Variants in OTUD7A observed in about 807,000 individuals in gnomAD.
OTUD7A encodes the protein OTU deubiquitinase 7A.
A neutral mutation model predicts 65.7 loss-of-function variants in OTUD7A; 12 were observed. The observed-to-expected ratio is 0.18, with a 90% confidence interval of 0.12 to 0.30. The LOEUF (loss-of-function observed/expected upper bound fraction) is 0.30. OTUD7A is among the 10% of genes least tolerant of loss of function. The pLI is 1.00. For missense variants in OTUD7A, 1,148 were observed against 1,304.8 expected, an observed-to-expected ratio of 0.88 and a Z score of 1.85; for synonymous variants, 641 against 586.3, an observed-to-expected ratio of 1.09 and a Z score of -1.35.
intron 4 of OTUD7A, among the ~76,000 whole-genome samples, chr15:31,564,049 A>G (rs1888782861): frequency 6.6e-6 from 1 of 152,138 alleles, no homozygotes; most frequent in African/African-American, 2.4e-5. Flanking sequence ...AAAGAGATAA[A>G]TAGAATATCA....
At chr15:31,732,359 G>C (rs1382793036) in intron 1 of OTUD7A, among the ~76,000 whole-genome samples, 2 of 152,228 alleles carry the variant, frequency 1.3e-5, no homozygotes, top group Non-Finnish European at 2.9e-5. Context: ...AGAGATGCCT[G>C]ATCTCCCCCA....
intron 8 of OTUD7A, among the ~76,000 whole-genome samples, chr15:31,509,637 T>G (rs1034840498): frequency 6.6e-6 from 1 of 152,136 alleles, no homozygotes; most frequent in African/African-American, 2.4e-5. Context: ...AAATTCATAT[T>G]TTTATGTCTT....
chr15:31,584,744 A>C (rs542055648), intron 3 of OTUD7A, among the ~76,000 whole-genome samples: 21 of 152,340 alleles, frequency 1.4e-4, no homozygotes, highest in African/African-American at 5.1e-4. Flanking sequence ...GCTGCAGACA[A>C]GGGGTGCCCA....
At chr15:31,708,273 T>C (rs1324229343) in intron 1 of OTUD7A, among the ~76,000 whole-genome samples, 13 of 152,338 alleles carry the variant, frequency 8.5e-5, no homozygotes, top group Non-Finnish European at 1.6e-4. Flanking sequence ...CATACATTAA[T>C]GGTGAGAGCA....
intron 1 of OTUD7A, among the ~76,000 whole-genome samples, chr15:31,686,383 G>T (rs533867947): frequency 6.6e-6 from 1 of 152,236 alleles, no homozygotes; most frequent in African/African-American, 2.4e-5. Flanking sequence ...CATTCTGCAG[G>T]ATGTGCTTTG....
At chr15:31,618,218 G>T (rs1376976839) in intron 3 of OTUD7A, among the ~76,000 whole-genome samples, 1 of 152,128 alleles carries the variant, frequency 6.6e-6, no homozygotes, top group African/African-American at 2.4e-5. Flanking sequence ...TTGCTATTGT[G>T]AATAGTGCCT....
chr15:31,858,672 GGCCAGGTTCCCCGTCTT>G, intron 1 of OTUD7A, among the ~76,000 whole-genome samples: 1 of 152,284 alleles, frequency 6.6e-6, no homozygotes, highest in East Asian at 1.9e-4. Context: ...CAAGAACAAC[GGCCAGGTTCCCCGTCTT>G]GCCTCACATC....
At chr15:31,640,023 T>C (rs1326825402) in intron 3 of OTUD7A, among the ~76,000 whole-genome samples, 1 of 152,232 alleles carries the variant, frequency 6.6e-6, no homozygotes, top group Admixed American at 6.5e-5. Context: ...TGAAGTCCAA[T>C]TTATTAATTT....
At chr15:31,788,302 C>T (rs1179742266) in intron 1 of OTUD7A, among the ~76,000 whole-genome samples, 1 of 152,132 alleles carries the variant, frequency 6.6e-6, no homozygotes, top group African/African-American at 2.4e-5. Context: ...ACCACAGGAA[C>T]CCACAAGTTA....
chr15:31,867,857 A>C (rs1166487942), intron 1 of OTUD7A, among the ~76,000 whole-genome samples: 1 of 130,222 alleles, frequency 7.7e-6, no homozygotes, highest in African/African-American at 2.8e-5. Context: ...TGTGCCCCCA[A>C]CCCTTCCTTA....
chr15:31,829,713 G>A (rs1896884923), intron 1 of OTUD7A, among the ~76,000 whole-genome samples: 1 of 152,160 alleles, frequency 6.6e-6, no homozygotes, highest in Non-Finnish European at 1.5e-5. Flanking sequence ...ACAACCCAGG[G>A]AGACAGAAAA....
intron 3 of OTUD7A, among the ~76,000 whole-genome samples, chr15:31,632,310 C>A (rs1285847820): frequency 6.6e-6 from 1 of 152,232 alleles, no homozygotes; most frequent in Non-Finnish European, 1.5e-5. Flanking sequence ...TTCTAACAGA[C>A]AGGACCCTCA....
chr15:31,751,716 T>C (rs757476476), intron 1 of OTUD7A, among the ~76,000 whole-genome samples: 5 of 152,178 alleles, frequency 3.3e-5, no homozygotes, highest in African/African-American at 4.8e-5. Flanking sequence ...ATATACACCA[T>C]GGAATACTCT....
chr15:31,553,741 G>A (rs537903416), intron 5 of OTUD7A, among the ~76,000 whole-genome samples: 12 of 151,946 alleles, frequency 7.9e-5, no homozygotes, highest in South Asian at 2.1e-4. Context: ...CCCCATAGCC[G>A]TGTCTCTCTA....
In OTUD7A at chr15:31,483,993, C is replaced by T. The variant is rs1405883012; in HGVS notation, c.2103G>A (p.Pro701=). ...AAAAAATAKR[P]PRRPETEGVP... The stretch of plus-strand genomic sequence containing the variant: ...CGCCCTCCGTCTCCGGTCTGCGCGG[C>T]GGCCGCTTGGCCGTGGCGGCGGCGG... Residue 701 remains proline (P), a synonymous_variant, in exon 13 of 13, where the codon CCG becomes CCA. Coordinates refer to ENST00000307050, the MANE Select transcript of OTUD7A (RefSeq NM_001382637.1). 4.6e-5 allele frequency: 52 copies of T among 1,131,418 alleles called. 1 individual carries two copies. The Middle Eastern group carries it at 1.5e-3, about 32-fold the overall frequency. 70.1% of individuals were successfully genotyped at this position (1,131,418 alleles called of 1,614,324 possible). A position where few individuals can be genotyped will look rare whatever the true frequency, so the allele number is the denominator to read the frequency against.
intron 3 of OTUD7A, among the ~76,000 whole-genome samples, chr15:31,628,244 T>C (rs1891026682): frequency 6.6e-6 from 1 of 152,226 alleles, no homozygotes; most frequent in East Asian, 1.9e-4. Flanking sequence ...TTTAAGTCTT[T>C]AGTCTATCTT....
At chr15:31,832,452 T>C (rs1353664379) in intron 1 of OTUD7A, among the ~76,000 whole-genome samples, 1 of 152,176 alleles carries the variant, frequency 6.6e-6, no homozygotes, top group Non-Finnish European at 1.5e-5. Context: ...AAAATAGTGG[T>C]ATATTATACA....
chr15:31,846,722 C>T (rs994829150), intron 1 of OTUD7A, among the ~76,000 whole-genome samples: 5 of 152,108 alleles, frequency 3.3e-5, no homozygotes, highest in Admixed American at 6.5e-5. Flanking sequence ...ATTTATAACA[C>T]GGAAAAGGCT....
intron 3 of OTUD7A, among the ~76,000 whole-genome samples, chr15:31,630,256 G>A (rs1469977540): frequency 2.0e-5 from 3 of 148,114 alleles, no homozygotes; most frequent in East Asian, 2.0e-4. Flanking sequence ...TCCACACACC[G>A]CTTTGAATGT....
Sources: allele counts gnomAD v4.1 joint callset (sites outside exome capture counted in the v4.1 genomes callset), GRCh38; gene constraint gnomAD v4.1.1; transcripts MANE v1.5; gene names NCBI Gene and HGNC (gene_info 2026-07-23, HGNC 2026-07-21).